SLC7A9: variants seen among roughly 807,000 people sequenced by gnomAD.
SLC7A9 encodes solute carrier family 7 member 9.
Under a neutral mutation model 54.1 loss-of-function variants are expected in SLC7A9, and 38 were observed. The observed-to-expected ratio is 0.70, with a 90% CI of 0.54 to 0.92. The LOEUF (loss-of-function observed/expected upper bound fraction) is 0.92. Ranked by LOEUF, SLC7A9 falls within the 40% of genes least tolerant of loss-of-function variation. The pLI is 0.00. For synonymous variants in SLC7A9, 264 were observed against 258.9 expected (o/e 1.02, Z -0.19); for missense variants, 537 against 636.1 (o/e 0.84, Z 1.68).
At chr19:32,851,719 C>T (rs1431128761) in intron 9 of SLC7A9, among the ~76,000 whole-genome samples, 1 of 152,146 alleles carries the variant, frequency 6.6e-6, no homozygotes, top group Non-Finnish European at 1.5e-5. Flanking sequence ...GGCACATGCA[C>T]ACGTATGTTT....
chr19:32,854,651 C>T (rs892311427), intron 9 of SLC7A9, among the ~76,000 whole-genome samples: 2 of 152,034 alleles, frequency 1.3e-5, no homozygotes, highest in South Asian at 2.1e-4. Flanking sequence ...TGCACTGGTG[C>T]GATCTCGGCT....
intron 2 of SLC7A9, among the ~76,000 whole-genome samples, chr19:32,866,488 G>A (rs1051322614): frequency 1.4e-4 from 22 of 152,140 alleles, no homozygotes; most frequent in African/African-American, 4.8e-4. Flanking sequence ...GCAATGGCGC[G>A]ATCATGACTC....
chr19:32,867,535 A>C (rs1391615982), intron 2 of SLC7A9, among the ~76,000 whole-genome samples: 3 of 151,668 alleles, frequency 2.0e-5, no homozygotes, highest in Non-Finnish European at 2.9e-5. Context: ...TTTTTTTAAA[A>C]ATTTTTAAAA....
chr19:32,836,328 C>T (rs928848416), intron 11 of SLC7A9, among the ~76,000 whole-genome samples: 1 of 152,096 alleles, frequency 6.6e-6, no homozygotes, highest in Non-Finnish European at 1.5e-5. Context: ...GGATTACAGG[C>T]GTGAGCCACT....
At chr19:32,831,809 T>G (rs1301332580) in intron 12 of SLC7A9, among the ~76,000 whole-genome samples, 1 of 152,172 alleles carries the variant, frequency 6.6e-6, no homozygotes, top group East Asian at 1.9e-4. Context: ...CATGACTTTT[T>G]GTGTGTCTTT....
intron 11 of SLC7A9, among the ~76,000 whole-genome samples, chr19:32,835,726 G>T (rs1967936792): frequency 6.6e-6 from 1 of 151,460 alleles, no homozygotes. Context: ...TTTTCTTTTG[G>T]TTTTCTGTTG....
At chr19:32,842,384 C>T (rs938745738) in intron 10 of SLC7A9, 67 bp from the exon 11 acceptor site, 12 of 1,490,142 alleles carry the variant, frequency 8.1e-6, no homozygotes, top group South Asian at 1.1e-5. Context: ...CACAGAAGAC[C>T]GAAGAAGCAG....
Position 32,830,654 on chromosome 19 carries a change from A to G in SLC7A9, c.1430T>C (p.Met477Thr). 1 of 1,614,108 alleles carries G rather than the reference A, an allele frequency of 6.2e-7. No homozygotes were observed. The highest frequency in any genetic ancestry group is 8.5e-7 in the Non-Finnish European group (1 of 1,179,930). Reference sequence around the variant, plus strand: ...GTCTTCCTCCGGTGGGACCACTTCCATTAGCATCTGAAGGTGCATGGTAAT... The same window carrying G: ...GTCTTCCTCCGGTGGGACCACTTCCGTTAGCATCTGAAGGTGCATGGTAAT... ...KPITMHLQMLMEVVPPEEDPE is the reference protein window; with the variant it reads ...KPITMHLQMLTEVVPPEEDPE Residue 477 changes from methionine (M) to threonine (T), a missense_variant, in exon 13 of 13, where the codon ATG (methionine) becomes ACG (threonine). Transcript: ENST00000023064.
chr19:32,862,647 C>A, intron 4 of SLC7A9, 61 bp from the exon 5 acceptor site: 1 of 1,492,262 alleles, frequency 6.7e-7, no homozygotes, highest in Non-Finnish European at 9.0e-7. Context: ...GAGAGAGTCT[C>A]CTTTCTTTTA....
intron 9 of SLC7A9, among the ~76,000 whole-genome samples, chr19:32,855,110 C>A (rs945483172): frequency 6.6e-6 from 1 of 152,154 alleles, no homozygotes; most frequent in Admixed American, 6.6e-5. Context: ...GAATACTATT[C>A]CGACTCTAAA....
At chr19:32,860,728 G>A in intron 6 of SLC7A9, 78 bp from the exon 7 acceptor site, 3 of 1,572,186 alleles carry the variant, frequency 1.9e-6, no homozygotes, top group Non-Finnish European at 2.6e-6. Flanking sequence ...ATAAATGTTG[G>A]CCTCATTTAA....
chr19:32,857,451 ATTAG>A (rs1156867231), intron 9 of SLC7A9, among the ~76,000 whole-genome samples: 2 of 151,158 alleles, frequency 1.3e-5, no homozygotes, highest in Non-Finnish European at 2.9e-5. Flanking sequence ...CTCAAAATTA[ATTAG>A]TTAATTAAAA....
At chr19:32,865,839 G>A (rs964925606) in intron 2 of SLC7A9, among the ~76,000 whole-genome samples, 2 of 151,860 alleles carry the variant, frequency 1.3e-5, no homozygotes, top group Non-Finnish European at 2.9e-5. Flanking sequence ...AGGCATTTTG[G>A]TGCACACCTG....
At chr19:32,842,064 A>G in intron 11 of SLC7A9, 104 bp downstream of exon 11, 1 of 1,124,924 alleles carries the variant, frequency 8.9e-7, no homozygotes, top group South Asian at 1.3e-5. Flanking sequence ...TAAAAGAGTC[A>G]AGTCAGATTG....
In SLC7A9 at chr19:32,855,438, G is replaced by A. The variant is rs190834715; in HGVS notation, c.977+3002C>T. 1.2e-3 allele frequency among the ~76,000 whole-genome samples: 179 copies of A among 152,272 alleles called. 1 individual carries two copies. The highest frequency in any genetic ancestry group is 7.3e-3 in the Admixed American group (111 of 15,282). On this transcript the variant is annotated intron_variant, in intron 9 of 12. Coordinates refer to ENST00000023064, the MANE Select transcript of SLC7A9 (RefSeq NM_014270.5). ...AATGCAGCCGGGCGCGGTGGCTCAC[G>A]CCTGTAATCCCAGCACTTTGGGAGG...
intron 3 of SLC7A9, 63 bp from the exon 4 acceptor site, chr19:32,864,401 C>T: frequency 6.2e-7 from 1 of 1,606,536 alleles, no homozygotes; most frequent in South Asian, 1.1e-5. Context: ...CCCCAGGGAG[C>T]CTTCCTCCCA....
intron 11 of SLC7A9, 52 bp downstream of exon 11, chr19:32,842,115 CT>C (rs1435884410): frequency 8.9e-6 from 14 of 1,573,946 alleles, no homozygotes; most frequent in Non-Finnish European, 1.2e-5. Context: ...AGAGTTACAT[CT>C]AATTCATTAA....
At chr19:32,864,390 G>T (rs1423788593) in intron 3 of SLC7A9, 52 bp from the exon 4 acceptor site, 1 of 1,609,324 alleles carries the variant, frequency 6.2e-7, no homozygotes, top group Admixed American at 1.7e-5. Flanking sequence ...CACTGCCCCG[G>T]CCCCAGGGAG....
chr19:32,854,610 G>A (rs1050418708), intron 9 of SLC7A9, among the ~76,000 whole-genome samples: 1 of 151,970 alleles, frequency 6.6e-6, no homozygotes, highest in Admixed American at 6.6e-5. Context: ...TTTTTGAGAC[G>A]GAGTATCTCA....
Sources: allele counts gnomAD v4.1 joint callset (sites outside exome capture counted in the v4.1 genomes callset), GRCh38; gene constraint gnomAD v4.1.1; transcripts MANE v1.5; gene names NCBI Gene and HGNC (gene_info 2026-07-23, HGNC 2026-07-21).